The following CBLN2 variants were observed in gnomAD, a reference collection of about 807,000 sequenced individuals.
CBLN2 encodes cerebellin 2 precursor.
Under a neutral mutation model 15.0 loss-of-function variants are expected in CBLN2, and 7 were observed. The ratio of observed to expected loss-of-function variants is 0.47; its 90% CI spans 0.27 to 0.88. CBLN2 has a LOEUF of 0.88. CBLN2 is among the 40% of genes least tolerant of loss of function. The pLI, the probability that CBLN2 is intolerant of heterozygous loss-of-function variation, is 0.14. For missense variants in CBLN2, 242 were observed against 304.5 expected, an observed-to-expected ratio of 0.79 and a Z score of 1.53; for synonymous variants, 149 against 135.2, an observed-to-expected ratio of 1.10 and a Z score of -0.71.
intron 1 of CBLN2, among the ~76,000 whole-genome samples, chr18:72,553,591 A>G (rs1228581336): frequency 6.6e-6 from 1 of 152,172 alleles, no homozygotes; most frequent in African/African-American, 2.4e-5. Context: ...TTAAATAAAT[A>G]AGTAGAAAAT....
chr18:72,635,490 GCTTT>G (rs2069806640), intron 1 of CBLN2, among the ~76,000 whole-genome samples: 1 of 152,052 alleles, frequency 6.6e-6, no homozygotes, highest in Non-Finnish European at 1.5e-5. Context: ...GCACATTATG[GCTTT>G]CTTTTCCATA....
intron 1 of CBLN2, among the ~76,000 whole-genome samples, chr18:72,608,729 G>T (rs2069601169): frequency 6.6e-6 from 1 of 152,108 alleles, no homozygotes; most frequent in Non-Finnish European, 1.5e-5. Flanking sequence ...GGGGCTGAGG[G>T]GCAGTATATT....
intron 1 of CBLN2, chr18:72,620,134 T>C (rs1487654637): frequency 6.6e-6 from 1 of 152,346 alleles, no homozygotes; most frequent in African/African-American, 2.4e-5. Flanking sequence ...CACAATGCTC[T>C]TTCAGCTCTG....
Position 72,609,045 on chromosome 18 carries a change from A to G in CBLN2, c.15+29280T>C, listed in dbSNP as rs144891191. ...CAGCTTTGACATGGGTATTATTACA[A>G]TTCAAGGTGAGATTTGGGTGGGAAC... On this transcript the variant is annotated intron_variant, in intron 1 of 2. Transcript: ENST00000581073. Among the ~76,000 whole-genome samples, 7 of 152,258 alleles carry G rather than the reference A, an allele frequency of 4.6e-5. No individual in the cohort carries two copies. The East Asian group carries it at 1.2e-3, about 25-fold the overall frequency.
chr18:72,579,049 A>C (rs1004602759), intron 1 of CBLN2, among the ~76,000 whole-genome samples: 1 of 152,208 alleles, frequency 6.6e-6, no homozygotes, highest in African/African-American at 2.4e-5. Flanking sequence ...AATGATGCTC[A>C]ATATCTAATG....
intron 1 of CBLN2, among the ~76,000 whole-genome samples, chr18:72,549,908 G>GA (rs59009177): frequency 0.06 from 9,146 of 152,070 alleles, 870 homozygotes; most frequent in East Asian, 0.51. Flanking sequence ...GTGTTTTTGT[G>GA]AAAAAAATGA....
chr18:72,564,376 T>C (rs1381850416), intron 1 of CBLN2, among the ~76,000 whole-genome samples: 2 of 151,708 alleles, frequency 1.3e-5, no homozygotes, highest in African/African-American at 4.8e-5. Flanking sequence ...AAACAGAAAA[T>C]GTGGAGCTGT....
At chr18:72,565,187 T>C (rs537759934) in intron 1 of CBLN2, among the ~76,000 whole-genome samples, 1 of 152,258 alleles carries the variant, frequency 6.6e-6, no homozygotes, top group Non-Finnish European at 1.5e-5. Flanking sequence ...CCTGAAAACA[T>C]ATGAAAGTAT....
intron 1 of CBLN2, chr18:72,618,529 G>C: frequency 2.9e-6 from 2 of 699,804 alleles, no homozygotes; most frequent in South Asian, 1.3e-5. Flanking sequence ...GAACCAAAAA[G>C]CTGTCTCAAG....
At chr18:72,554,249 C>CT (rs1568253720) in intron 1 of CBLN2, among the ~76,000 whole-genome samples, 1 of 151,410 alleles carries the variant, frequency 6.6e-6, no homozygotes, top group African/African-American at 2.4e-5. Flanking sequence ...AAGTTGTAAT[C>CT]TATTATGCCT....
chr18:72,562,981 G>A (rs1181021705), intron 1 of CBLN2, among the ~76,000 whole-genome samples: 1 of 152,196 alleles, frequency 6.6e-6, no homozygotes, highest in Non-Finnish European at 1.5e-5. Context: ...TGCTCAAATA[G>A]TGGAAGTAAT....
chr18:72,601,235 C>T (rs141988227), intron 1 of CBLN2, among the ~76,000 whole-genome samples: 8 of 152,258 alleles, frequency 5.3e-5, no homozygotes, highest in East Asian at 1.9e-4. Context: ...GCTTGACCTA[C>T]GCCCCGGATT....
Position 72,538,421 on chromosome 18 carries a change from C to T in CBLN2, c.478-48G>A, listed in dbSNP as rs774284934. 3.8e-6 allele frequency: 6 copies of T among 1,588,150 alleles called. No individual in the cohort carries two copies. In the East Asian group the frequency reaches 1.3e-4, roughly 36 times the overall value. On this transcript the variant is annotated intron_variant, in intron 4 of 4. Coordinates refer to ENST00000269503, the MANE Select transcript of CBLN2 (RefSeq NM_182511.4). ...CAGCAGACCATAAAGCACCCAACTC[C>T]CACACACTGTTCTCTCCTTTGCCAA...
At chr18:72,561,423 A>C (rs760093204) in intron 1 of CBLN2, among the ~76,000 whole-genome samples, 2 of 152,178 alleles carry the variant, frequency 1.3e-5, no homozygotes, top group African/African-American at 2.4e-5. Flanking sequence ...AGTAAACAGC[A>C]TCCATGACTT....
intron 1 of CBLN2, among the ~76,000 whole-genome samples, chr18:72,555,587 A>G (rs568726963): frequency 5.9e-5 from 9 of 152,328 alleles, no homozygotes; most frequent in African/African-American, 2.2e-4. Flanking sequence ...AGAATTTTAT[A>G]TACAGTAATC....
At chr18:72,562,564 G>A (rs1212814798) in intron 1 of CBLN2, among the ~76,000 whole-genome samples, 1 of 152,138 alleles carries the variant, frequency 6.6e-6, no homozygotes, top group African/African-American at 2.4e-5. Context: ...GGTTAGACGA[G>A]TCTCCTTGAC....
At chr18:72,579,733 C>CAA (rs144676344) in intron 1 of CBLN2, among the ~76,000 whole-genome samples, 35 of 151,146 alleles carry the variant, frequency 2.3e-4, no homozygotes, top group Non-Finnish European at 4.7e-4. Context: ...CTCCGTCTCG[C>CAA]AAAAAACAAA....
At chr18:72,611,235 A>T (rs539137521) in intron 1 of CBLN2, among the ~76,000 whole-genome samples, 1 of 152,118 alleles carries the variant, frequency 6.6e-6, no homozygotes, top group African/African-American at 2.4e-5. Flanking sequence ...AGAAGGTTTT[A>T]TATTCCTTTG....
intron 1 of CBLN2, among the ~76,000 whole-genome samples, chr18:72,578,206 A>C (rs2069380504): frequency 6.6e-6 from 1 of 152,192 alleles, no homozygotes; most frequent in African/African-American, 2.4e-5. Flanking sequence ...TTTAAAATTT[A>C]ATTAGCAAAG....
Sources: allele counts gnomAD v4.1 joint callset (sites outside exome capture counted in the v4.1 genomes callset), GRCh38; gene constraint gnomAD v4.1.1; transcripts MANE v1.5; gene names NCBI Gene and HGNC (gene_info 2026-07-23, HGNC 2026-07-21).